RALA: variants seen among roughly 807,000 people sequenced by gnomAD.
RALA encodes the protein RAS like proto-oncogene A.
Under a neutral mutation model 24.0 loss-of-function variants are expected in RALA, and 5 were observed. The observed-to-expected ratio is 0.21, with a 90% confidence interval of 0.11 to 0.44. The LOEUF is 0.44. Ranked by LOEUF, RALA falls within the 20% of genes least tolerant of loss-of-function variation. The pLI is 0.99. For missense variants in RALA, 95 were observed against 241.2 expected (o/e 0.39, Z 4.01); for synonymous variants, 77 against 83.8 (o/e 0.92, Z 0.44).
intron 4 of RALA, among the ~76,000 whole-genome samples, chr7:39,698,852 C>T (rs116788194): frequency 0.015 from 2,254 of 152,222 alleles, 39 homozygotes; most frequent in African/African-American, 0.05. Flanking sequence ...AAAACAGCAA[C>T]TGGCATGTCG....
At chr7:39,680,502 G>A (rs954458619) in intron 1 of RALA, among the ~76,000 whole-genome samples, 14 of 151,674 alleles carry the variant, frequency 9.2e-5, no homozygotes, top group Non-Finnish European at 4.4e-5. Context: ...CATGAACCCA[G>A]GAGGCAGAGT....
At chr7:39,643,510 C>T (rs750989607) in intron 1 of RALA, among the ~76,000 whole-genome samples, 1 of 152,088 alleles carries the variant, frequency 6.6e-6, no homozygotes, top group African/African-American at 2.4e-5. Context: ...CACTTGAGGT[C>T]AGGAGTTCGA....
intron 3 of RALA, among the ~76,000 whole-genome samples, chr7:39,691,261 G>C (rs907238045): frequency 6.6e-6 from 1 of 152,156 alleles, no homozygotes; most frequent in African/African-American, 2.4e-5. Context: ...ATTTGGCATA[G>C]AGTTCTTGCG....
intron 1 of RALA, among the ~76,000 whole-genome samples, chr7:39,636,197 G>A (rs1791681752): frequency 6.6e-6 from 1 of 152,096 alleles, no homozygotes; most frequent in South Asian, 2.1e-4. Context: ...ATAGATGTAT[G>A]TTTTCATTTC....
intron 1 of RALA, among the ~76,000 whole-genome samples, chr7:39,683,123 C>CA (rs1792635514): frequency 6.6e-6 from 1 of 152,164 alleles, no homozygotes; most frequent in Non-Finnish European, 1.5e-5. Flanking sequence ...TAGATGCTGC[C>CA]ACCATGCTCT....
At chr7:39,631,299 T>C (rs1417991745) in intron 1 of RALA, among the ~76,000 whole-genome samples, 2 of 152,226 alleles carry the variant, frequency 1.3e-5, no homozygotes, top group Admixed American at 6.5e-5. Flanking sequence ...TGAGCCATGG[T>C]GCCCGGCCTC....
intron 1 of RALA, among the ~76,000 whole-genome samples, chr7:39,661,864 C>G (rs984703254): frequency 6.6e-6 from 1 of 152,176 alleles, no homozygotes; most frequent in Non-Finnish European, 1.5e-5. Context: ...CCCTTCTGCA[C>G]TGCCTTAGCA....
chr7:39,642,592 C>T (rs569649690), intron 1 of RALA, among the ~76,000 whole-genome samples: 1 of 152,142 alleles, frequency 6.6e-6, no homozygotes, highest in African/African-American at 2.4e-5. Context: ...ACAAAAATCC[C>T]CTCAAAACTA....
intron 4 of RALA, among the ~76,000 whole-genome samples, chr7:39,705,549 A>G (rs1181736530): frequency 2.0e-5 from 3 of 152,080 alleles, no homozygotes; most frequent in African/African-American, 7.2e-5. Context: ...CTCATTATTT[A>G]CCGGTTCCTA....
intron 3 of RALA, among the ~76,000 whole-genome samples, chr7:39,693,714 G>T (rs1461726482): frequency 6.6e-6 from 1 of 152,236 alleles, no homozygotes; most frequent in African/African-American, 2.4e-5. Context: ...CATGGTGAAA[G>T]TTGACATGGT....
intron 4 of RALA, chr7:39,700,484 C>A (rs1793007804): frequency 6.6e-6 from 1 of 152,342 alleles, no homozygotes; most frequent in African/African-American, 2.4e-5. Flanking sequence ...TTCCTCACAG[C>A]ACAGTGGGCA....
At chr7:39,649,476 A>G (rs1791984343) in intron 1 of RALA, among the ~76,000 whole-genome samples, 1 of 152,204 alleles carries the variant, frequency 6.6e-6, no homozygotes, top group African/African-American at 2.4e-5. Flanking sequence ...GAGATCAGCA[A>G]CTTTATAAAA....
At chr7:39,657,313 A>G (rs1314405548) in intron 1 of RALA, among the ~76,000 whole-genome samples, 3 of 152,184 alleles carry the variant, frequency 2.0e-5, no homozygotes, top group Non-Finnish European at 1.5e-5. Flanking sequence ...CATGCCAGTG[A>G]TGTAACTCTT....
intron 4 of RALA, among the ~76,000 whole-genome samples, chr7:39,704,011 C>CA (rs1472791344): frequency 6.6e-6 from 1 of 151,766 alleles, no homozygotes; most frequent in Non-Finnish European, 1.5e-5. Context: ...ACTAAAAATA[C>CA]AAAAATTAGC....
intron 1 of RALA, among the ~76,000 whole-genome samples, chr7:39,683,715 C>A (rs1201029299): frequency 6.6e-6 from 1 of 152,008 alleles, no homozygotes; most frequent in Admixed American, 6.6e-5. Flanking sequence ...AATGTTTGCA[C>A]TTTGGAAAAA....
intron 1 of RALA, among the ~76,000 whole-genome samples, chr7:39,639,864 T>C (rs889599369): frequency 1.3e-5 from 2 of 152,040 alleles, no homozygotes; most frequent in African/African-American, 4.8e-5. Context: ...ACATGGACAA[T>C]TTAGACATGC....
At chr7:39,691,498 C>T (rs986268784) in intron 3 of RALA, among the ~76,000 whole-genome samples, 1 of 151,890 alleles carries the variant, frequency 6.6e-6, no homozygotes, top group East Asian at 1.9e-4. Context: ...GCAGAGGATC[C>T]GGGAGGGGAA....
chr7:39,644,118 A>G (rs1044834548), intron 1 of RALA, among the ~76,000 whole-genome samples: 12 of 152,198 alleles, frequency 7.9e-5, no homozygotes, highest in African/African-American at 2.4e-4. Context: ...TCAGAAATCA[A>G]AATACTATTC....
chr7:39,657,864 T>C (rs1281889174), intron 1 of RALA, among the ~76,000 whole-genome samples: 1 of 152,256 alleles, frequency 6.6e-6, no homozygotes, highest in African/African-American at 2.4e-5. Context: ...ATGATTGTCT[T>C]TTAATGATAG....
Sources: gnomAD v4.1 joint callset for allele counts (sites outside exome capture counted in the v4.1 genomes callset) on GRCh38, gnomAD v4.1.1 for gene constraint, MANE v1.5 for transcripts, NCBI Gene and HGNC (gene_info 2026-07-23, HGNC 2026-07-21) for gene names.